The following SHCBP1L variants were observed in gnomAD, a reference collection of about 807,000 sequenced individuals.
SHCBP1L encodes the protein testicular spindle-associated protein SHCBP1L.
Under a neutral mutation model 62.5 loss-of-function variants are expected in SHCBP1L, and 67 were observed. The observed-to-expected ratio is 1.07, with a 90% CI of 0.88 to 1.31. The LOEUF is 1.31. SHCBP1L is among the 40% of genes most tolerant of loss of function. SHCBP1L has a pLI of 0.00. For synonymous variants in SHCBP1L, 284 were observed against 289.4 expected (o/e 0.98, Z 0.19); for missense variants, 823 against 809.8 (o/e 1.02, Z -0.20).
chr1:182,913,313 A>G (rs1650248905), intron 6 of SHCBP1L, among the ~76,000 whole-genome samples: 1 of 152,168 alleles, frequency 6.6e-6, no homozygotes, highest in African/African-American at 2.4e-5. Flanking sequence ...GGAGAGGAGC[A>G]GTTTTGGAGG....
intron 5 of SHCBP1L, among the ~76,000 whole-genome samples, chr1:182,930,732 T>A (rs1386806553): frequency 9.7e-6 from 1 of 102,884 alleles, no homozygotes; most frequent in African/African-American, 3.6e-5. Flanking sequence ...TATGTATTTT[T>A]TTTTTTTTTT....
rs1276635544 is a variant in SHCBP1L at position 182,953,090 on chromosome 1, C to G, written c.44G>C (p.Arg15Pro). 1.3e-6 allele frequency: 2 copies of G among 1,567,962 alleles called. No homozygotes were observed. ...SKASVPADSFRTISPDRRGEK... is the reference protein window; with the variant it reads ...SKASVPADSFPTISPDRRGEK... ...GCCTCGCCTGTCCGGGCTGATGGTG[C>G]GGAATGAGTCCGCGGGCACCGAGGC... is the stretch of plus-strand genomic sequence containing the variant. Residue 15 changes from arginine to proline, a missense_variant, in exon 1 of 10, where the codon CGC becomes CCC. Coordinates refer to ENST00000367547, the MANE Select transcript of SHCBP1L (RefSeq NM_030933.4).
intron 5 of SHCBP1L, among the ~76,000 whole-genome samples, chr1:182,932,548 T>G (rs1227120463): frequency 6.6e-6 from 1 of 152,114 alleles, no homozygotes; most frequent in East Asian, 1.9e-4. Context: ...TGGCACAATC[T>G]CAGCGGCACG....
rs1449998438 is a variant in SHCBP1L at position 182,940,387 on chromosome 1, G to C, written c.712C>G (p.Pro238Ala). The C allele has an allele frequency of 1.2e-6, 2 of 1,613,752 alleles. No homozygotes were observed. The highest frequency in any genetic ancestry group is 8.5e-7 in the Non-Finnish European group (1 of 1,179,952). ...EHSVPLLEVYPVEGQDTDIHV... is the reference protein window; with the variant it reads ...EHSVPLLEVYAVEGQDTDIHV... ...ATATCAGTATCTTGTCCCTCAACAG[G>C]ATACACTTCCAAAAGAGGCACACTG... The change falls in exon 3 of 10, where the codon CCT becomes GCT. Residue 238 changes from proline (P) to alanine (A), a missense_variant. By Grantham distance (27) the Pro-to-Ala change is conservative. Transcript: ENST00000367547.
Position 182,900,167 on chromosome 1 carries a change from C to CT in SHCBP1L, c.1777dup (p.Ser593LysfsTer26). ...AAACTGTTCCATTGGTTGAAGAATG[C>CT]TTACTCCATAGCCTTTGTTGCTATA... On this transcript the variant is annotated frameshift_variant, in exon 10 of 10. Transcript: ENST00000367547. LOFTEE classifies it high-confidence loss of function. 6.2e-7 allele frequency: 1 copy of CT among 1,612,200 alleles called. No individual in the cohort carries two copies. The highest frequency in any genetic ancestry group is 8.5e-7 in the Non-Finnish European group (1 of 1,179,004).
At chr1:182,914,094 T>C (rs1352787635) in intron 6 of SHCBP1L, among the ~76,000 whole-genome samples, 1 of 152,214 alleles carries the variant, frequency 6.6e-6, no homozygotes, top group East Asian at 1.9e-4. Context: ...AAGGCTGCTT[T>C]CTCATCAGAA....
intron 5 of SHCBP1L, among the ~76,000 whole-genome samples, chr1:182,937,131 G>C (rs1262031998): frequency 6.6e-6 from 1 of 151,724 alleles, no homozygotes; most frequent in Non-Finnish European, 1.5e-5. Flanking sequence ...CTCCCACATT[G>C]TTCCTTACTA....
At chr1:182,909,851 T>C (rs149020748) in intron 6 of SHCBP1L, among the ~76,000 whole-genome samples, 1 of 152,162 alleles carries the variant, frequency 6.6e-6, no homozygotes, top group Non-Finnish European at 1.5e-5. Context: ...CAGAGGGAGA[T>C]TCTACGTGAC....
intron 6 of SHCBP1L, among the ~76,000 whole-genome samples, chr1:182,924,668 C>T (rs1201991128): frequency 1.0e-5 from 1 of 99,494 alleles, no homozygotes; most frequent in African/African-American, 4.8e-5. Context: ...TCCGATCCAA[C>T]TACAAAAGAA....
At chr1:182,951,493 A>G in intron 1 of SHCBP1L, 26 bp from the exon 2 acceptor site, 1 of 1,460,522 alleles carries the variant, frequency 6.8e-7, no homozygotes, top group Non-Finnish European at 9.2e-7. Context: ...ATGGATCTAC[A>G]TATAAATATA....
intron 1 of SHCBP1L, 68 bp downstream of exon 1, chr1:182,952,657 GAAGC>G: frequency 1.3e-6 from 2 of 1,497,912 alleles, no homozygotes; most frequent in Non-Finnish European, 1.8e-6. Flanking sequence ...GCCTAAGAGG[GAAGC>G]CCCAGATGCC....
At chr1:182,939,776 T>C (rs964529637) in intron 3 of SHCBP1L, among the ~76,000 whole-genome samples, 16 of 152,182 alleles carry the variant, frequency 1.1e-4, no homozygotes, top group African/African-American at 3.6e-4. Context: ...GACTGTAAAA[T>C]TGTTTCTAAA....
At chr1:182,932,408 C>G (rs1020743743) in intron 5 of SHCBP1L, among the ~76,000 whole-genome samples, 2 of 152,042 alleles carry the variant, frequency 1.3e-5, no homozygotes, top group African/African-American at 4.8e-5. Flanking sequence ...TTTTTCCCAC[C>G]AGCAATAAGT....
At position 182,929,671 on chromosome 1, in the gene SHCBP1L, T is replaced by C; in HGVS notation, c.1158A>G (p.Val386=). The change falls in exon 6 of 10, where the codon GTA becomes GTG. Residue 386 remains valine, a synonymous_variant. Coordinates refer to ENST00000367547, the MANE Select transcript of SHCBP1L (RefSeq NM_030933.4). Reference sequence around the variant, plus strand: ...CCATTTCAGTAGTCATCATTTTTGCTACAATATGTGTTATAGTCTTTCCAA... The same window carrying C: ...CCATTTCAGTAGTCATCATTTTTGCCACAATATGTGTTATAGTCTTTCCAA... ...REFGKTITHI[V]AKMMTTEMIK... The C allele has an allele frequency of 6.3e-7, 1 of 1,575,026 alleles. No individual in the cohort carries two copies. The highest frequency in any genetic ancestry group is 2.1e-5 in the Admixed American group (1 of 47,548).
chr1:182,939,681 C>A lies in SHCBP1L; in HGVS notation c.771-128G>T. The A allele has an allele frequency of 7.3e-6, 5 of 685,686 alleles. No homozygotes were observed. The South Asian group carries it at 9.3e-5, about 13-fold the overall frequency. 42.5% of individuals were successfully genotyped at this position (685,686 alleles called of 1,614,324 possible). Reference sequence around the variant, plus strand: ...TCTTAAGCAAAATATTTTAAAATGACCTTTGAGTGAACTAAAAGGTAAAAC... The same window carrying A: ...TCTTAAGCAAAATATTTTAAAATGAACTTTGAGTGAACTAAAAGGTAAAAC... On this transcript the variant is annotated intron_variant, in intron 3 of 9. Transcript: ENST00000367547.
intron 2 of SHCBP1L, among the ~76,000 whole-genome samples, chr1:182,951,075 T>C (rs1181808060): frequency 6.6e-6 from 1 of 152,212 alleles, no homozygotes; most frequent in African/African-American, 2.4e-5. Context: ...ATTTTTACAT[T>C]AGTTGAGCAA....
chr1:182,939,533 C>A lies in SHCBP1L; in HGVS notation c.791G>T (p.Trp264Leu). Residue 264 changes from tryptophan (W) to leucine (L), a missense_variant, in exon 4 of 10, where the codon TGG (tryptophan) becomes TTG (leucine). By Grantham distance (61) the Trp-to-Leu change is moderately conservative (BLOSUM62 -2). Transcript: ENST00000367547. ...ACTTTCTTCATCATCCCAGTCTCTC[C>A]AAAGAAAGTCATAAAAAAACCTACG... ...EVVRFFYDFL[W>L]RDWDDEESCE... 6.2e-7 allele frequency: 1 copy of A among 1,602,482 alleles called. No individual in the cohort carries two copies. The highest frequency in any genetic ancestry group is 8.5e-7 in the Non-Finnish European group (1 of 1,175,896).
In SHCBP1L at chr1:182,938,056, C is replaced by G. The variant is rs186515783; in HGVS notation, c.1076+1120G>C. On this transcript the variant is annotated intron_variant, in intron 5 of 9. Transcript: ENST00000367547. ...GTACTATAGCTGTAGGTGTCAGAAG[C>G]TTCAAATTCCTCTAGTTTCCTTGTT... 2.0e-5 allele frequency among the ~76,000 whole-genome samples: 3 copies of G among 152,236 alleles called. No individual in the cohort carries two copies. The East Asian group carries it at 5.8e-4, about 29-fold the overall frequency.
At position 182,947,914 on chromosome 1, in the gene SHCBP1L, C is replaced by T. The variant is rs536124998; in HGVS notation, c.555+3404G>A. ...TTAGTCTCAAAGTTCTGACTTTAAG[C>T]GATCCTCCTGCCTTGGGCTCCCAAA... On this transcript the variant is annotated intron_variant, in intron 2 of 9. Transcript: ENST00000367547. 1.1e-4 allele frequency among the ~76,000 whole-genome samples: 17 copies of T among 152,164 alleles called. No individual in the cohort carries two copies. The South Asian group carries it at 1.9e-3, about 17-fold the overall frequency.
Sources: gnomAD v4.1 joint callset for allele counts (sites outside exome capture counted in the v4.1 genomes callset) on GRCh38, gnomAD v4.1.1 for gene constraint, MANE v1.5 for transcripts, NCBI Gene and HGNC (gene_info 2026-07-23, HGNC 2026-07-21) for gene names.